The following PSMB7 variants were observed in gnomAD, a reference collection of about 807,000 sequenced individuals.
PSMB7 encodes proteasome 20S subunit beta 7.
Under a neutral mutation model 28.1 loss-of-function variants are expected in PSMB7, and 5 were observed. The ratio of observed to expected loss-of-function variants is 0.18; its 90% CI spans 0.09 to 0.37. PSMB7 has a LOEUF of 0.37. Among genes scored for constraint, PSMB7 ranks in the 10% least tolerant of loss-of-function variants. The probability of loss-of-function intolerance (pLI) is 1.00; values close to 1 mark genes in which losing one functional copy is unlikely to be tolerated. For synonymous variants in PSMB7, 122 were observed against 123.7 expected (o/e 0.99, Z 0.09); for missense variants, 275 against 346.2 (o/e 0.79, Z 1.63).
At chr9:124,357,670 T>G (rs1349984392) in intron 6 of PSMB7, among the ~76,000 whole-genome samples, 1 of 152,202 alleles carries the variant, frequency 6.6e-6, no homozygotes, top group Non-Finnish European at 1.5e-5. Context: ...GATGGACTCA[T>G]CCCTTTCTTA....
At chr9:124,382,042 T>C (rs936893838) in intron 6 of PSMB7, among the ~76,000 whole-genome samples, 1 of 151,600 alleles carries the variant, frequency 6.6e-6, no homozygotes, top group African/African-American at 2.4e-5. Context: ...GCAGACTGCT[T>C]GAGCTCAGGA....
At chr9:124,414,147 T>C (rs1307323631) in intron 2 of PSMB7, 142 bp from the exon 3 acceptor site, 1 of 570,140 alleles carries the variant, frequency 1.8e-6, no homozygotes, top group Non-Finnish European at 3.1e-6. Flanking sequence ...AGCAAAAATA[T>C]TGTGCTACAC....
intron 5 of PSMB7, 147 bp downstream of exon 5, chr9:124,405,170 T>C (rs1056272143): frequency 1.7e-5 from 10 of 581,728 alleles, no homozygotes; most frequent in Non-Finnish European, 2.7e-5. Flanking sequence ...CACGGCCTAA[T>C]CTATAGTAGG....
chr9:124,368,317 C>A (rs760278453), intron 6 of PSMB7, among the ~76,000 whole-genome samples: 3 of 152,168 alleles, frequency 2.0e-5, no homozygotes, highest in Non-Finnish European at 4.4e-5. Flanking sequence ...AAATCACTTG[C>A]GGGTTTCTCT....
chr9:124,412,228 G>T lies in PSMB7; in HGVS notation c.395+124C>A. 1.3e-5 allele frequency: 14 copies of T among 1,049,750 alleles called. No homozygotes were observed. In the South Asian group the frequency reaches 2.1e-4, roughly 16 times the overall value. The allele number at this position is 1,049,750 out of a possible 1,614,324, so 65.0% of individuals were successfully genotyped here. A position where few individuals can be genotyped will look rare whatever the true frequency, so the allele number is the denominator to read the frequency against. The stretch of plus-strand genomic sequence containing the variant: ...AAAATGGCTCTTTAATATAACAACT[G>T]ATTTCCGGAACAAAATGTGTATTTC... On this transcript the variant is annotated intron_variant, in intron 4 of 7. Coordinates refer to ENST00000259457, the MANE Select transcript of PSMB7 (RefSeq NM_002799.4).
chr9:124,355,570 G>A (rs1830395679), intron 7 of PSMB7, among the ~76,000 whole-genome samples: 1 of 152,222 alleles, frequency 6.6e-6, no homozygotes, highest in Non-Finnish European at 1.5e-5. Context: ...CAGGCTACAT[G>A]GAGTACTTGG....
At chr9:124,391,520 TTGGAAATTCAAATGAGAC>T (rs1830787075) in intron 5 of PSMB7, among the ~76,000 whole-genome samples, 1 of 152,210 alleles carries the variant, frequency 6.6e-6, no homozygotes, top group Non-Finnish European at 1.5e-5. Flanking sequence ...GTTGTTTTGC[TTGGAAATTCAAATGAGAC>T]TGGAATTTAG....
chr9:124,363,879 G>A (rs1830484781), intron 6 of PSMB7, among the ~76,000 whole-genome samples: 1 of 152,184 alleles, frequency 6.6e-6, no homozygotes. Context: ...CAGCCAGGAA[G>A]AGATGTCAGC....
rs34764593 is a variant in PSMB7, at chr9:124,386,836, A to AT, written c.512-2181dup. Reference sequence around the variant, plus strand: ...CCTTTCCTTGGCAGTTGCACAGTAAATTTTTTTTTTTTTGCTCTATTCTTT... The same window carrying AT: ...CCTTTCCTTGGCAGTTGCACAGTAAATTTTTTTTTTTTTTGCTCTATTCTTT... On this transcript the variant is annotated intron_variant, in intron 5 of 7. Transcript: ENST00000259457. Among the ~76,000 whole-genome samples the AT allele has an allele frequency of 2.0e-3, 299 of 148,412 alleles. 1 individual carries two copies. The highest frequency in any genetic ancestry group is 6.8e-3 in the Middle Eastern group (2 of 292).
chr9:124,414,947 T>C lies in PSMB7; in HGVS notation c.63-12A>G. 6.3e-7 allele frequency: 1 copy of C among 1,593,956 alleles called. No homozygotes were observed. Among genetic ancestry groups the C allele is most frequent in the Non-Finnish European group, 8.6e-7 (1 of 1,163,722 alleles). On this transcript the variant is annotated splice_polypyrimidine_tract_variant and intron_variant, in intron 1 of 7. Transcript: ENST00000259457. ...CCAAGACGGCATTCCTAAGAGCAAATGAGAGAATCAAGTGTTGAAGGGCAG... is the reference window on the plus strand; with the variant it reads ...CCAAGACGGCATTCCTAAGAGCAAACGAGAGAATCAAGTGTTGAAGGGCAG...
intron 5 of PSMB7, among the ~76,000 whole-genome samples, chr9:124,404,486 G>T (rs1276247799): frequency 6.6e-6 from 1 of 151,994 alleles, no homozygotes; most frequent in Non-Finnish European, 1.5e-5. Flanking sequence ...TCAGATTTCA[G>T]GTTTTGGAAT....
chr9:124,387,649 T>TA (rs1830739916), intron 5 of PSMB7, among the ~76,000 whole-genome samples: 1 of 152,280 alleles, frequency 6.6e-6, no homozygotes, highest in South Asian at 2.1e-4. Context: ...ACTTGCAAAT[T>TA]AGCTCCTGCT....
At chr9:124,377,236 A>G (rs1012845498) in intron 6 of PSMB7, among the ~76,000 whole-genome samples, 4 of 152,172 alleles carry the variant, frequency 2.6e-5, no homozygotes, top group African/African-American at 9.7e-5. Context: ...TCGCACAGAC[A>G]AGGATGCCCC....
At chr9:124,375,360 C>T (rs1055630739) in intron 6 of PSMB7, among the ~76,000 whole-genome samples, 3 of 152,056 alleles carry the variant, frequency 2.0e-5, no homozygotes, top group South Asian at 2.1e-4. Context: ...GACAGGGTTT[C>T]GTCATGTTGC....
intron 5 of PSMB7, among the ~76,000 whole-genome samples, chr9:124,402,369 C>T (rs1377142620): frequency 6.6e-6 from 1 of 152,206 alleles, no homozygotes; most frequent in Non-Finnish European, 1.5e-5. Flanking sequence ...ATGCTCATGA[C>T]ACAAATTACC....
At chr9:124,375,206 C>T (rs925482453) in intron 6 of PSMB7, among the ~76,000 whole-genome samples, 3 of 152,164 alleles carry the variant, frequency 2.0e-5, no homozygotes, top group Non-Finnish European at 4.4e-5. Context: ...CTCTGTCGCC[C>T]CAGGCTGAAG....
intron 6 of PSMB7, among the ~76,000 whole-genome samples, chr9:124,376,573 T>C (rs1830611021): frequency 6.6e-6 from 1 of 152,224 alleles, no homozygotes; most frequent in Admixed American, 6.5e-5. Flanking sequence ...TTCTGCCGTC[T>C]TCACAAGACC....
chr9:124,389,464 G>A (rs187482267), intron 5 of PSMB7, among the ~76,000 whole-genome samples: 3 of 152,230 alleles, frequency 2.0e-5, no homozygotes, highest in African/African-American at 2.4e-5. Flanking sequence ...CAGCACTTAG[G>A]TGAATGTAAG....
intron 6 of PSMB7, among the ~76,000 whole-genome samples, chr9:124,377,223 C>T (rs952795842): frequency 2.0e-5 from 3 of 152,112 alleles, no homozygotes; most frequent in African/African-American, 7.2e-5. Context: ...GTCTCTGTTC[C>T]GATCGCACAG....
Sources: allele counts gnomAD v4.1 joint callset (sites outside exome capture counted in the v4.1 genomes callset), GRCh38; gene constraint gnomAD v4.1.1; transcripts MANE v1.5; gene names NCBI Gene and HGNC (gene_info 2026-07-23, HGNC 2026-07-21).